Variants in ZNF394 observed in about 807,000 individuals in gnomAD.
The protein encoded by ZNF394 is zinc finger protein 99.
Under a neutral mutation model 21.8 loss-of-function variants are expected in ZNF394, and 19 were observed. The ratio of observed to expected loss-of-function variants is 0.87; its 90% CI spans 0.61 to 1.28. The LOEUF is 1.28. ZNF394 is among the 50% of genes most tolerant of loss of function. ZNF394 has a pLI of 0.00. For missense variants in ZNF394, 683 were observed against 708.6 expected (o/e 0.96, Z 0.41); for synonymous variants, 294 against 273.3 (o/e 1.08, Z -0.75).
Position 99,493,480 on chromosome 7 carries a change from C to T in ZNF394, c.*49G>A. 6.8e-7 allele frequency: 1 copy of T among 1,475,674 alleles called. No homozygotes were observed. Among genetic ancestry groups the T allele is most frequent in the Non-Finnish European group, 9.1e-7 (1 of 1,094,376 alleles). 91.4% of individuals were successfully genotyped at this position (1,475,674 alleles called of 1,614,324 possible). On this transcript the variant is annotated 3_prime_UTR_variant, in exon 3 of 3. Coordinates refer to ENST00000337673, the MANE Select transcript of ZNF394 (RefSeq NM_032164.4). ...CCATGTTGGCCAGGCTGGTTTCAAA[C>T]TCCTGATCTCAAATGATCTGCCTGC...
intron 1 of ZNF394, among the ~76,000 whole-genome samples, chr7:99,499,045 C>T (rs112206902): frequency 4.5e-4 from 68 of 152,178 alleles, no homozygotes; most frequent in Non-Finnish European, 8.2e-4. Context: ...TAACTTATAT[C>T]ACTGTGATGT....
rs75593529 is a variant in ZNF394, at chr7:99,487,480, T to C, written n.84-517A>G. 14,876 of 1,609,296 alleles carry C rather than the reference T, an allele frequency of 9.2e-3. 75 individuals are homozygous for C. Among genetic ancestry groups the C allele is most frequent in the Middle Eastern group, 0.013 (79 of 6,042 alleles). ...CCAGGGCACTCACAAAGGACAGATA[T>C]CCACATGATGTTAATTGGAAAGCAG... On this transcript the variant is annotated intron_variant and non_coding_transcript_variant, in intron 1 of 1. Coordinates refer to the ZNF394 transcript ENST00000462024.
rs751980862 is a variant in ZNF394 at position 99,498,879 on chromosome 7, T to A, written c.457-37A>T. 3 of 1,593,518 alleles carry A rather than the reference T, an allele frequency of 1.9e-6. No homozygotes were observed. The South Asian group carries it at 3.4e-5, about 18-fold the overall frequency. On this transcript the variant is annotated intron_variant, in intron 1 of 2. Transcript: ENST00000337673. Reference sequence around the variant, plus strand: ...CAAGAGCCCCATTCAGTACCTGCTGTCCCTGTACAGCACTAACACTCTTCT... The same window carrying A: ...CAAGAGCCCCATTCAGTACCTGCTGACCCTGTACAGCACTAACACTCTTCT...
Position 99,494,480 on chromosome 7 carries a change from C to T in ZNF394, c.735G>A (p.Lys245=). The part of the protein sequence containing the change: ...CGSTHEDRVE[K]QSGDPLPLKL... ...TCAGGGGCAAGGGGTCTCCGGACTG[C>T]TTTTCCACCCTGTCCTCATGGGTAC... Residue 245 remains lysine, a synonymous_variant, in exon 3 of 3, where the codon AAG becomes AAA. Coordinates refer to ENST00000337673, the MANE Select transcript of ZNF394 (RefSeq NM_032164.4). The T allele has an allele frequency of 6.2e-7, 1 of 1,613,978 alleles. No individual in the cohort carries two copies. Among genetic ancestry groups the T allele is most frequent in the Non-Finnish European group, 8.5e-7 (1 of 1,180,046 alleles).
At chr7:99,497,122 G>GTATATGTA (rs1800349560) in intron 2 of ZNF394, among the ~76,000 whole-genome samples, 1 of 79,466 alleles carries the variant, frequency 1.3e-5, no homozygotes, top group African/African-American at 7.4e-5. Flanking sequence ...GTGTGTGTGT[G>GTATATGTA]TATATATATA....
downstream of ZNF394, among the ~76,000 whole-genome samples, chr7:99,490,761 T>C (rs2151078994): frequency 6.6e-6 from 1 of 152,154 alleles, no homozygotes; most frequent in East Asian, 1.9e-4. Flanking sequence ...GAACTGTTTC[T>C]AATTCACTGA....
rs775417980 is a variant in ZNF394 at position 99,486,845 on chromosome 7, G to C, written n.202C>G. On this transcript the variant is annotated non_coding_transcript_exon_variant, in exon 2 of 2. Coordinates refer to the ZNF394 transcript ENST00000462024. Reference sequence around the variant, plus strand: ...AGTGAATGTGGAAAAGTCATTAGGCGTAAGGCATGGTTTGATCAACATCAA... The same window carrying C: ...AGTGAATGTGGAAAAGTCATTAGGCCTAAGGCATGGTTTGATCAACATCAA... 10 of 1,614,170 alleles carry C rather than the reference G, an allele frequency of 6.2e-6. 1 individual carries two copies. The Admixed American group carries it at 1.3e-4, about 22-fold the overall frequency.
At chr7:99,488,963 C>T (rs1242826681), downstream of ZNF394, among the ~76,000 whole-genome samples, 2 of 139,730 alleles carry the variant, frequency 1.4e-5, no homozygotes, top group Non-Finnish European at 3.1e-5. Flanking sequence ...TGCCCATAAT[C>T]TAAAATGAGT....
intron 2 of ZNF394, among the ~76,000 whole-genome samples, chr7:99,495,665 G>A (rs143253994): frequency 0.012 from 1,833 of 152,000 alleles, 37 homozygotes; most frequent in African/African-American, 0.042. Context: ...TTGTTGCCAA[G>A]GCTGGAGTGC....
intron 2 of ZNF394, 75 bp downstream of exon 2, chr7:99,498,641 T>A: frequency 6.3e-7 from 1 of 1,594,098 alleles, no homozygotes; most frequent in Middle Eastern, 1.7e-4. Context: ...AATGGCATAG[T>A]GGCTCAGGGA....
chr7:99,489,739 A>G (rs1413812857), downstream of ZNF394, among the ~76,000 whole-genome samples: 1 of 152,198 alleles, frequency 6.6e-6, no homozygotes, highest in Non-Finnish European at 1.5e-5. Flanking sequence ...TCTGACATTC[A>G]GTTTAAATAG....
At chr7:99,492,639 C>CAAA (rs757663157), downstream of ZNF394, among the ~76,000 whole-genome samples, 2 of 50,474 alleles carry the variant, frequency 4.0e-5, no homozygotes, top group African/African-American at 6.8e-5. Context: ...GACTCCATCT[C>CAAA]AAAAAAAAAA....
intron 2 of ZNF394, among the ~76,000 whole-genome samples, chr7:99,496,209 T>A (rs1343108280): frequency 6.6e-6 from 1 of 151,682 alleles, no homozygotes; most frequent in African/African-American, 2.4e-5. Flanking sequence ...GTAGACGGGG[T>A]TTTACCATGT....
intron 1 of ZNF394, chr7:99,487,093 A>C (rs1800002980): frequency 6.2e-7 from 1 of 1,614,216 alleles, no homozygotes; most frequent in Non-Finnish European, 8.5e-7. Context: ...AAAAACGTTT[A>C]GTCAGAATTC....
At chr7:99,495,711 C>T (rs770608335) in intron 2 of ZNF394, among the ~76,000 whole-genome samples, 47 of 152,108 alleles carry the variant, frequency 3.1e-4, no homozygotes, top group Non-Finnish European at 6.8e-4. Context: ...ACCTCTGCCC[C>T]CCAGGTTCAA....
In ZNF394 at chr7:99,494,472, C is replaced by A. The variant is rs1800240888; in HGVS notation, c.743G>T (p.Gly248Val). ...TTCAAGTTTCAGGGGCAAGGGGTCTCCGGACTGCTTTTCCACCCTGTCCTC... is the reference window on the plus strand; with the variant it reads ...TTCAAGTTTCAGGGGCAAGGGGTCTACGGACTGCTTTTCCACCCTGTCCTC... ...THEDRVEKQSGDPLPLKLENS... is the reference protein window; with the variant it reads ...THEDRVEKQSVDPLPLKLENS... The change falls in exon 3 of 3, where the codon GGA (glycine) becomes GTA (valine). Residue 248 changes from glycine (G) to valine (V), a missense_variant. Physicochemically the swap from Gly to Val is moderately radical, Grantham distance 109. Coordinates refer to ENST00000337673, the MANE Select transcript of ZNF394 (RefSeq NM_032164.4). The A allele has an allele frequency of 6.2e-7, 1 of 1,613,942 alleles. No homozygotes were observed. Among genetic ancestry groups the A allele is most frequent in the African/African-American group, 1.3e-5 (1 of 74,900 alleles).
In ZNF394 at chr7:99,486,758, A is replaced by G. The variant is rs949998518; in HGVS notation, n.289T>C. The G allele has an allele frequency of 1.9e-6, 3 of 1,614,248 alleles. No homozygotes were observed. The Admixed American group carries it at 5.0e-5, about 27-fold the overall frequency. The stretch of plus-strand genomic sequence containing the variant: ...TATGATGAGGATGGCAAACCCTTCA[A>G]TCAAAGATCTTTGCTTTTGGGGCAT... On this transcript the variant is annotated non_coding_transcript_exon_variant, in exon 2 of 2. Coordinates refer to the ZNF394 transcript ENST00000462024.
chr7:99,500,099 T>C lies in ZNF394; in HGVS notation c.-6A>G. 1 of 1,538,014 alleles carries C rather than the reference T, an allele frequency of 6.5e-7. No individual in the cohort carries two copies. The highest frequency in any genetic ancestry group is 8.7e-7 in the Non-Finnish European group (1 of 1,149,244). The stretch of plus-strand genomic sequence containing the variant: ...GCGGTCAAGCTGGAATTCATCTTTC[T>C]CCGGCATGTGCTGCCCTTCCTGGAG... On this transcript the variant is annotated 5_prime_UTR_variant, in exon 1 of 3. Transcript: ENST00000337673.
At position 99,499,725 on chromosome 7, in the gene ZNF394, C is replaced by T. The variant is rs1484638678; in HGVS notation, c.369G>A (p.Trp123Ter). Reference sequence around the variant, plus strand: ...CGCTCTCTGGGCAGTGCTCTCGCACCCAGGCTTGAAGCTCCTCGGGCAGGA... The same window carrying T: ...CGCTCTCTGGGCAGTGCTCTCGCACTCAGGCTTGAAGCTCCTCGGGCAGGA... ...LTILPEELQA[W>*]VREHCPESGE... The change falls in exon 1 of 3, where the codon TGG becomes TGA. Residue 123 changes from tryptophan (W) to a stop codon, truncating the protein, a stop_gained. Coordinates refer to ENST00000337673, the MANE Select transcript of ZNF394 (RefSeq NM_032164.4). LOFTEE classifies it high-confidence loss of function. The T allele has an allele frequency of 6.2e-7, 1 of 1,614,002 alleles. No homozygotes were observed. Among genetic ancestry groups the T allele is most frequent in the East Asian group, 2.2e-5 (1 of 44,888 alleles).
Sources: allele counts gnomAD v4.1 joint callset (sites outside exome capture counted in the v4.1 genomes callset), GRCh38; gene constraint gnomAD v4.1.1; transcripts MANE v1.5; gene names NCBI Gene and HGNC (gene_info 2026-07-23, HGNC 2026-07-21).